The following GPHN variants were observed in gnomAD, a reference collection of about 807,000 sequenced individuals.
GPHN encodes the protein gephyrin.
GPHN carries 17 observed loss-of-function variants against 95.5 expected under a neutral mutation model. The ratio of observed to expected loss-of-function variants is 0.18; its 90% CI spans 0.12 to 0.27. GPHN has a LOEUF of 0.27. Among genes scored for constraint, GPHN ranks in the 10% least tolerant of loss-of-function variants. The pLI is 1.00. For synonymous variants in GPHN, 320 were observed against 322.5 expected, an observed-to-expected ratio of 0.99 and a Z score of 0.08; for missense variants, 660 against 978.1, an observed-to-expected ratio of 0.67 and a Z score of 4.34.
the GPHN span, chr14:67,559,506 T>C: frequency 8.2e-6 from 6 of 728,118 alleles, no homozygotes; most frequent in Middle Eastern, 2.5e-4. Flanking sequence ...CTTTGCGAGG[T>C]CAGTGGCACG....
chr14:67,335,264 T>C, the GPHN span: 1 of 152,212 alleles, frequency 6.6e-6, no homozygotes, highest in Non-Finnish European at 1.5e-5. Context: ...AAGTGAAAAC[T>C]GAGTTGTTGC....
the GPHN span, among the ~76,000 whole-genome samples, chr14:67,273,680 T>G: frequency 3.9e-5 from 6 of 152,310 alleles, no homozygotes; most frequent in South Asian, 1.2e-3. Flanking sequence ...TAGTTCTAGA[T>G]CTCTGAGGAA....
At chr14:67,081,539 T>A (rs771150355) in intron 11 of GPHN, among the ~76,000 whole-genome samples, 34 of 152,222 alleles carry the variant, frequency 2.2e-4, no homozygotes, top group Non-Finnish European at 4.6e-4. Context: ...TTTCTCCCAC[T>A]CTGTGGGTTG....
chr14:67,657,967 T>C, the GPHN span, among the ~76,000 whole-genome samples: 1 of 152,076 alleles, frequency 6.6e-6, no homozygotes, highest in Non-Finnish European at 1.5e-5. Context: ...CAGGCTGGTC[T>C]CGAACTCCTG....
the GPHN span, chr14:67,652,714 C>G: frequency 2.0e-5 from 3 of 152,190 alleles, no homozygotes; most frequent in Admixed American, 1.3e-4. Flanking sequence ...AGAAAAGGAG[C>G]TGACTCCCAT....
At chr14:66,915,040 C>T (rs1375814946) in intron 5 of GPHN, among the ~76,000 whole-genome samples, 1 of 151,982 alleles carries the variant, frequency 6.6e-6, no homozygotes, top group African/African-American at 2.4e-5. Context: ...GCAGGTGATT[C>T]AGTAAACATT....
At chr14:67,067,356 G>T (rs2076101465) in intron 11 of GPHN, among the ~76,000 whole-genome samples, 1 of 152,154 alleles carries the variant, frequency 6.6e-6, no homozygotes, top group African/African-American at 2.4e-5. Flanking sequence ...CCTGTATGAG[G>T]TGTCTGCTGG....
At chr14:66,747,157 G>A (rs1008686525) in intron 2 of GPHN, among the ~76,000 whole-genome samples, 4 of 152,078 alleles carry the variant, frequency 2.6e-5, no homozygotes, top group African/African-American at 9.7e-5. Flanking sequence ...GTCTACTAGT[G>A]TTAACTTTTC....
intron 1 of GPHN, among the ~76,000 whole-genome samples, chr14:66,581,898 A>T (rs1031653981): frequency 6.6e-6 from 1 of 152,052 alleles, no homozygotes; most frequent in African/African-American, 2.4e-5. Flanking sequence ...TATAAAGTAA[A>T]TGTTAATAAA....
chr14:66,842,587 C>A, intron 4 of GPHN: 1 of 851,800 alleles, frequency 1.2e-6, no homozygotes, highest in Non-Finnish European at 1.9e-6. Flanking sequence ...GTTCTTATTT[C>A]CCTGAACCAG....
chr14:67,230,284 T>G, the GPHN span, among the ~76,000 whole-genome samples: 2 of 152,226 alleles, frequency 1.3e-5, no homozygotes, highest in South Asian at 4.2e-4. Context: ...AAAATTAAGT[T>G]AAGACATATG....
chr14:66,755,669 G>T (rs967196336), intron 2 of GPHN, among the ~76,000 whole-genome samples: 3 of 151,726 alleles, frequency 2.0e-5, no homozygotes, highest in Non-Finnish European at 4.4e-5. Context: ...TTAAAATTTC[G>T]TAAAAATTCC....
At chr14:66,541,696 G>A (rs2059359196) in intron 1 of GPHN, among the ~76,000 whole-genome samples, 1 of 152,174 alleles carries the variant, frequency 6.6e-6, no homozygotes, top group East Asian at 1.9e-4. Flanking sequence ...CTGAGCATTG[G>A]ACACTGAGGG....
At chr14:66,615,111 A>G (rs1353096409) in intron 1 of GPHN, among the ~76,000 whole-genome samples, 2 of 151,952 alleles carry the variant, frequency 1.3e-5, no homozygotes, top group Non-Finnish European at 2.9e-5. Flanking sequence ...TATCCAGTCT[A>G]TCATTGGCAT....
chr14:67,201,501 A>T, the GPHN span: 1 of 455,998 alleles, frequency 2.2e-6, no homozygotes, highest in East Asian at 7.0e-5. Flanking sequence ...TATTCATCTC[A>T]TCCTGGTGGC....
chr14:67,687,526 C>A, the GPHN span, among the ~76,000 whole-genome samples: 5 of 140,338 alleles, frequency 3.6e-5, no homozygotes, highest in Non-Finnish European at 7.5e-5. Flanking sequence ...GGCTGGGGTG[C>A]AATGGTATGA....
the GPHN span, among the ~76,000 whole-genome samples, chr14:67,477,716 G>A: frequency 3.3e-5 from 5 of 152,156 alleles, no homozygotes; most frequent in Non-Finnish European, 5.9e-5. Flanking sequence ...CTCGAGCCCA[G>A]AACTCTTGAA....
the GPHN span, among the ~76,000 whole-genome samples, chr14:67,500,230 C>T: frequency 1.3e-5 from 2 of 152,178 alleles, no homozygotes; most frequent in African/African-American, 4.8e-5. Context: ...AATCCCAGCA[C>T]TTTGGGAGGC....
chr14:67,138,952 G>A (rs1399315019), intron 17 of GPHN, among the ~76,000 whole-genome samples: 2 of 144,310 alleles, frequency 1.4e-5, no homozygotes, highest in African/African-American at 5.2e-5. Context: ...GCCAGGCACG[G>A]TGGCTCATGC....
Sources: allele counts gnomAD v4.1 joint callset (sites outside exome capture counted in the v4.1 genomes callset), GRCh38; gene constraint gnomAD v4.1.1; transcripts MANE v1.5; gene names NCBI Gene and HGNC (gene_info 2026-07-23, HGNC 2026-07-21).